The following NAA11 variants were observed in gnomAD, a reference collection of about 807,000 sequenced individuals.
NAA11 encodes the protein N-alpha-acetyltransferase 11, NatA catalytic subunit.
Under a neutral mutation model 16.1 loss-of-function variants are expected in NAA11, and 15 were observed. That is an observed-to-expected ratio of 0.93 (90% CI 0.62 to 1.44). The LOEUF (loss-of-function observed/expected upper bound fraction) is 1.44. NAA11 is among the 40% of genes most tolerant of loss of function. The pLI, the probability that NAA11 is intolerant of heterozygous loss-of-function variation, is 0.00. For synonymous variants in NAA11, 122 were observed against 112.4 expected, an observed-to-expected ratio of 1.09 and a Z score of -0.54; for missense variants, 298 against 291.3, an observed-to-expected ratio of 1.02 and a Z score of -0.17.
the NAA11 span, among the ~76,000 whole-genome samples, chr4:79,176,255 G>A: frequency 6.6e-6 from 1 of 152,188 alleles, no homozygotes; most frequent in Admixed American, 6.5e-5. Flanking sequence ...CTAAAAATCA[G>A]TTATAGAAGT....
chr4:79,236,900 C>T (rs1482878967), intron 2 of NAA11, among the ~76,000 whole-genome samples: 1 of 152,128 alleles, frequency 6.6e-6, no homozygotes, highest in Non-Finnish European at 1.5e-5. Context: ...AACAACTCCG[C>T]ATGCTAAGTA....
chr4:79,249,108 G>A (rs1376453284), intron 2 of NAA11, among the ~76,000 whole-genome samples: 1 of 152,128 alleles, frequency 6.6e-6, no homozygotes, highest in African/African-American at 2.4e-5. Flanking sequence ...CGGAGCCCTG[G>A]GCCCCTAAAA....
At chr4:79,304,447 C>T (rs1386251424) in intron 1 of NAA11, among the ~76,000 whole-genome samples, 30 of 151,832 alleles carry the variant, frequency 2.0e-4, no homozygotes, top group Admixed American at 2.0e-3. Context: ...AATAATTATC[C>T]CATTTATTTT....
At chr4:79,304,156 T>C (rs1723492881) in intron 1 of NAA11, among the ~76,000 whole-genome samples, 1 of 152,172 alleles carries the variant, frequency 6.6e-6, no homozygotes, top group East Asian at 1.9e-4. Context: ...GATCCTTTAT[T>C]TAGCCAAATT....
intron 2 of NAA11, among the ~76,000 whole-genome samples, chr4:79,260,849 A>T (rs1722232267): frequency 6.6e-6 from 1 of 152,234 alleles, no homozygotes; most frequent in Non-Finnish European, 1.5e-5. Context: ...AGAACAAAAG[A>T]TGCATTGTTT....
intron 1 of NAA11, among the ~76,000 whole-genome samples, chr4:79,318,244 A>G (rs147955378): frequency 6.6e-6 from 1 of 152,348 alleles, no homozygotes; most frequent in Non-Finnish European, 1.5e-5. Context: ...GTTAGATGCA[A>G]TGTGTCCAAC....
chr4:79,247,405 C>T (rs922933579), intron 2 of NAA11, among the ~76,000 whole-genome samples: 8 of 152,128 alleles, frequency 5.3e-5, no homozygotes, highest in Admixed American at 1.3e-4. Flanking sequence ...ACAATCTATT[C>T]GTCACAAAAT....
intron 2 of NAA11, among the ~76,000 whole-genome samples, chr4:79,249,576 A>G: frequency 6.6e-6 from 1 of 152,228 alleles, no homozygotes; most frequent in Non-Finnish European, 1.5e-5. Context: ...AAAAAGCAGT[A>G]AAGAAGAATA....
rs111953541 is a variant in NAA11 at position 79,265,835 on chromosome 4, T to C, written c.*122+28170A>G. On this transcript the variant is annotated intron_variant and NMD_transcript_variant, in intron 2 of 2. Coordinates refer to the NAA11 transcript ENST00000511542. Reference sequence around the variant, plus strand: ...TCTTGCTTTGCTGCCCAGGCTGGTCTCAAGCTCCTGGCCCAAGTAATCCTC... The same window carrying C: ...TCTTGCTTTGCTGCCCAGGCTGGTCCCAAGCTCCTGGCCCAAGTAATCCTC... 8.5e-5 allele frequency among the ~76,000 whole-genome samples: 13 copies of C among 152,262 alleles called. 2 individuals carry two copies. The highest frequency in any genetic ancestry group is 3.1e-4 in the African/African-American group (13 of 41,552).
intron 2 of NAA11, among the ~76,000 whole-genome samples, chr4:79,291,665 G>A (rs753667846): frequency 6.6e-6 from 1 of 151,782 alleles, no homozygotes; most frequent in African/African-American, 2.4e-5. Context: ...CAGAGGTTGC[G>A]GTGAGCCAAG....
At chr4:79,317,826 G>A (rs896843620) in intron 1 of NAA11, 35 bp from the exon 2 acceptor site, 25 of 152,292 alleles carry the variant, frequency 1.6e-4, no homozygotes, top group African/African-American at 5.3e-4. Flanking sequence ...AATGAGAAAG[G>A]GAGAGCTATA....
chr4:79,323,157 G>C (rs1243565532), intron 1 of NAA11, among the ~76,000 whole-genome samples: 2 of 152,066 alleles, frequency 1.3e-5, no homozygotes, highest in African/African-American at 4.8e-5. Context: ...TTTATGACTA[G>C]ACTTTGCCAT....
At chr4:79,280,032 T>C (rs1484928361) in intron 2 of NAA11, among the ~76,000 whole-genome samples, 2 of 152,124 alleles carry the variant, frequency 1.3e-5, no homozygotes, top group East Asian at 3.9e-4. Context: ...AGAAAAGTTC[T>C]GAAGATATAA....
intron 2 of NAA11, among the ~76,000 whole-genome samples, chr4:79,242,428 AT>A (rs1311927092): frequency 6.6e-6 from 1 of 152,232 alleles, no homozygotes; most frequent in Non-Finnish European, 1.5e-5. Flanking sequence ...GCAATTGTGA[AT>A]TAGTCTGGCC....
chr4:79,224,640 C>G (rs1451767474), downstream of NAA11, among the ~76,000 whole-genome samples: 4 of 151,866 alleles, frequency 2.6e-5, no homozygotes, highest in African/African-American at 9.7e-5. Flanking sequence ...AAAGTGGAGG[C>G]TGGAGAAGTG....
At chr4:79,254,681 T>G (rs1284166914) in intron 2 of NAA11, among the ~76,000 whole-genome samples, 1 of 149,912 alleles carries the variant, frequency 6.7e-6, no homozygotes, top group African/African-American at 2.4e-5. Context: ...TTAGTTAATT[T>G]AATTTATTTA....
downstream of NAA11, among the ~76,000 whole-genome samples, chr4:79,222,808 A>G (rs1426007811): frequency 6.6e-6 from 1 of 152,088 alleles, no homozygotes; most frequent in Non-Finnish European, 1.5e-5. Context: ...GAAAAAAACA[A>G]ACAACCCCAT....
chr4:79,272,815 C>T (rs547538644), intron 2 of NAA11, among the ~76,000 whole-genome samples: 2 of 152,040 alleles, frequency 1.3e-5, no homozygotes, highest in South Asian at 4.1e-4. Context: ...CCTGTCTATA[C>T]TGCATGATAT....
At chr4:79,255,727 T>C (rs1023814429) in intron 2 of NAA11, among the ~76,000 whole-genome samples, 5 of 152,168 alleles carry the variant, frequency 3.3e-5, no homozygotes, top group African/African-American at 1.2e-4. Context: ...ATGGGCAAGT[T>C]AGAGGTGGAA....
Sources: allele counts gnomAD v4.1 joint callset (sites outside exome capture counted in the v4.1 genomes callset), GRCh38; gene constraint gnomAD v4.1.1; transcripts MANE v1.5; gene names NCBI Gene and HGNC (gene_info 2026-07-23, HGNC 2026-07-21).